AOX1: variants seen among roughly 807,000 people sequenced by gnomAD.
AOX1 encodes the protein aldehyde oxidase.
In AOX1, 153 loss-of-function variants were observed where a neutral mutation model predicts 169.5. The observed-to-expected ratio is 0.90, with a 90% CI of 0.79 to 1.03. AOX1 has a LOEUF of 1.03. Ranked by LOEUF, AOX1 falls within the 50% of genes least tolerant of loss-of-function variation. The probability of loss-of-function intolerance (pLI) is 0.00; values close to 1 mark genes in which losing one functional copy is unlikely to be tolerated. For synonymous variants in AOX1, 562 were observed against 581.9 expected (o/e 0.97, Z 0.49); for missense variants, 1,656 against 1,663.9 (o/e 1.00, Z 0.08).
chr2:200,647,648 G>A (rs553635385), intron 25 of AOX1, among the ~76,000 whole-genome samples: 17 of 152,298 alleles, frequency 1.1e-4, no homozygotes, highest in Middle Eastern at 3.4e-3. Flanking sequence ...CAAGGCTGGG[G>A]AAGTTTTCCT....
intron 4 of AOX1, among the ~76,000 whole-genome samples, chr2:200,598,212 GA>G (rs2034330132): frequency 6.6e-6 from 1 of 152,076 alleles, no homozygotes; most frequent in Non-Finnish European, 1.5e-5. Flanking sequence ...CATGTGCATT[GA>G]GGGATATAAT....
downstream of AOX1, among the ~76,000 whole-genome samples, chr2:200,681,979 T>TCA (rs1242316230): frequency 1.3e-5 from 2 of 152,094 alleles, no homozygotes; most frequent in Admixed American, 1.3e-4. Context: ...ACTGAAGTGT[T>TCA]ATTAATGCTT....
intron 27 of AOX1, among the ~76,000 whole-genome samples, chr2:200,657,244 C>T (rs1358597517): frequency 2.2e-5 from 3 of 139,340 alleles, no homozygotes; most frequent in Admixed American, 1.5e-4. Flanking sequence ...GTTTTCCCAC[C>T]TACTTGGGAG....
At chr2:200,621,819 C>T (rs1433715620) in intron 18 of AOX1, among the ~76,000 whole-genome samples, 1 of 152,062 alleles carries the variant, frequency 6.6e-6, no homozygotes, top group Non-Finnish European at 1.5e-5. Flanking sequence ...GTGGCATGAT[C>T]TTGGCTCACT....
chr2:200,646,338 G>A lies in AOX1; in HGVS notation c.2847+3537G>A, dbSNP rs574075024. Among the ~76,000 whole-genome samples the A allele has an allele frequency of 1.6e-4, 25 of 152,250 alleles. 2 individuals are homozygous for A. In the South Asian group the frequency reaches 5.2e-3, roughly 32 times the overall value. On this transcript the variant is annotated intron_variant, in intron 25 of 34. Transcript: ENST00000374700. ...TGACCCAATGCTCATTCAGGAGCAG[G>A]TTATTTAATTTCCATGTATTTGCAT...
intron 26 of AOX1, among the ~76,000 whole-genome samples, chr2:200,651,972 A>G (rs148093425): frequency 6.6e-6 from 1 of 152,296 alleles, no homozygotes; most frequent in African/African-American, 2.4e-5. Flanking sequence ...CATACAGATA[A>G]GCTGGGAGGA....
rs1335795770 is a variant in AOX1, at chr2:200,637,013, A to C, written c.2449A>C (p.Ile817Leu). The C allele has an allele frequency of 6.2e-7, 1 of 1,614,170 alleles. No homozygotes were observed. Among genetic ancestry groups the C allele is most frequent in the Non-Finnish European group, 8.5e-7 (1 of 1,180,006 alleles). ...FGGKVLKTGI[I>L]AAVTAFAANK... ...AGGGAAGGTGTTAAAAACCGGAATC[A>C]TTGCAGCCGTCACTGCATTTGCCGC... The change falls in exon 22 of 35, where the codon ATT (isoleucine) becomes CTT (leucine). Residue 817 changes from isoleucine (I) to leucine (L), a missense_variant. Coordinates refer to ENST00000374700, the MANE Select transcript of AOX1 (RefSeq NM_001159.4).
downstream of AOX1, chr2:200,681,272 G>T (rs2036150502): frequency 6.6e-6 from 1 of 152,526 alleles, no homozygotes; most frequent in Admixed American, 6.5e-5. Context: ...GGACCTACCT[G>T]TAGTTGTACC....
At chr2:200,622,972 C>G (rs34606301) in intron 18 of AOX1, among the ~76,000 whole-genome samples, 1 of 152,182 alleles carries the variant, frequency 6.6e-6, no homozygotes, top group Admixed American at 6.5e-5. Flanking sequence ...TCCTTCACTG[C>G]CCCTACCCCA....
At chr2:200,634,720 G>A (rs1159603232) in intron 20 of AOX1, 71 bp from the exon 21 acceptor site, 2 of 1,585,620 alleles carry the variant, frequency 1.3e-6, no homozygotes, top group Admixed American at 1.7e-5. Context: ...TGCATAACGG[G>A]ATAATACCTG....
intron 1 of AOX1, among the ~76,000 whole-genome samples, chr2:200,587,939 G>C (rs916108877): frequency 3.9e-5 from 6 of 152,120 alleles, no homozygotes; most frequent in African/African-American, 1.2e-4. Flanking sequence ...AGGGCCTACC[G>C]TATGCCAGTC....
rs200379917 is a variant in AOX1 at position 200,613,003 on chromosome 2, C to T, written c.1448+210C>T. Among the ~76,000 whole-genome samples, 317 of 144,216 alleles carry T rather than the reference C, an allele frequency of 2.2e-3. 1 individual carries two copies. Among genetic ancestry groups the T allele is most frequent in the Non-Finnish European group, 4.0e-3 (260 of 65,654 alleles). The allele number at this position is 144,216 out of a possible 152,430, so 94.6% of individuals were successfully genotyped here. Reference sequence around the variant, plus strand: ...AAGTGGGAATTATATACTCTGTGTGCGTGTGTGTGTGTGTGTGTGTGTGTG... The same window carrying T: ...AAGTGGGAATTATATACTCTGTGTGTGTGTGTGTGTGTGTGTGTGTGTGTG... On this transcript the variant is annotated intron_variant, in intron 14 of 34. Transcript: ENST00000374700.
downstream of AOX1, among the ~76,000 whole-genome samples, chr2:200,673,759 T>C (rs1451084059): frequency 1.3e-5 from 2 of 152,220 alleles, no homozygotes; most frequent in Admixed American, 1.3e-4. Context: ...TAAGATGGCA[T>C]CTGCAGCCTA....
downstream of AOX1, among the ~76,000 whole-genome samples, chr2:200,674,499 T>C (rs1428834741): frequency 6.6e-6 from 1 of 152,200 alleles, no homozygotes; most frequent in Non-Finnish European, 1.5e-5. Flanking sequence ...TGGCATGATA[T>C]GTGAAGATTT....
Position 200,586,052 on chromosome 2 carries a change from T to C in AOX1, c.-57T>C. 1 of 1,544,110 alleles carries C rather than the reference T, an allele frequency of 6.5e-7. No homozygotes were observed. The highest frequency in any genetic ancestry group is 2.5e-5 in the East Asian group (1 of 40,772). On this transcript the variant is annotated 5_prime_UTR_variant, in exon 1 of 35. Transcript: ENST00000374700. ...GTGCCGCCGGGTCCCAGGTGCCCGC[T>C]ACTTCCCAGAACCTCCGCCTCCCGC...
rs554119386 is a variant in AOX1, at chr2:200,624,775, T to C, written c.2124+792T>C. Among the ~76,000 whole-genome samples the C allele has an allele frequency of 1.7e-3, 259 of 152,362 alleles. 2 individuals are homozygous for C. Among genetic ancestry groups the C allele is most frequent in the African/African-American group, 5.5e-3 (230 of 41,580 alleles). ...CTCCATGAAATGATAGGATGTTCTCTTGTGTGCATTCCATTGGTTCTTATA... is the reference window on the plus strand; with the variant it reads ...CTCCATGAAATGATAGGATGTTCTCCTGTGTGCATTCCATTGGTTCTTATA... On this transcript the variant is annotated intron_variant, in intron 19 of 34. Transcript: ENST00000374700.
chr2:200,651,013 C>A lies in AOX1; in HGVS notation c.2887C>A (p.Pro963Thr), dbSNP rs1354659192. 1 of 1,614,060 alleles carries A rather than the reference C, an allele frequency of 6.2e-7. No individual in the cohort carries two copies. Among genetic ancestry groups the A allele is most frequent in the African/African-American group, 1.3e-5 (1 of 74,926 alleles). The change falls in exon 26 of 35, where the codon CCC becomes ACC. Residue 963 changes from proline (P) to threonine (T), a missense_variant. Coordinates refer to ENST00000374700, the MANE Select transcript of AOX1 (RefSeq NM_001159.4). ...CATGTACAAGGAAATTGATCAAACA[C>A]CCTACAAACAAGAGATCAATGCCAA... ...INMYKEIDQTPYKQEINAKNL... is the reference protein window; with the variant it reads ...INMYKEIDQTTYKQEINAKNL...
At chr2:200,613,027 T>TGTGAGAGAGAGA (rs112472592) in intron 14 of AOX1, among the ~76,000 whole-genome samples, 4 of 146,118 alleles carry the variant, frequency 2.7e-5, no homozygotes, top group African/African-American at 1.0e-4. Flanking sequence ...TGTGTGTGTG[T>TGTGAGAGAGAGA]GAGAGAGAGA....
chr2:200,612,682 G>A lies in AOX1; in HGVS notation c.1337G>A (p.Arg446Lys). Residue 446 changes from arginine (R) to lysine (K), a missense_variant, in exon 14 of 35, where the codon AGA becomes AAA. By Grantham distance (26) the Arg-to-Lys change is conservative (BLOSUM62 2). Coordinates refer to ENST00000374700, the MANE Select transcript of AOX1 (RefSeq NM_001159.4). ...CTAGCGATAGTCAATTCAGGAATGAGAGTCTTTTTTGGAGAAGGGGATGGC... is the reference window on the plus strand; with the variant it reads ...CTAGCGATAGTCAATTCAGGAATGAAAGTCTTTTTTGGAGAAGGGGATGGC... Reference protein sequence around the residue: ...NALAIVNSGMRVFFGEGDGII... With the variant: ...NALAIVNSGMKVFFGEGDGII... 1.2e-6 allele frequency: 2 copies of A among 1,614,144 alleles called. No individual in the cohort carries two copies. Among genetic ancestry groups the A allele is most frequent in the Non-Finnish European group, 1.7e-6 (2 of 1,180,020 alleles).
Sources: allele counts gnomAD v4.1 joint callset (sites outside exome capture counted in the v4.1 genomes callset), GRCh38; gene constraint gnomAD v4.1.1; transcripts MANE v1.5; gene names NCBI Gene and HGNC (gene_info 2026-07-23, HGNC 2026-07-21).